The following OTOGL variants were observed in gnomAD, a reference collection of about 807,000 sequenced individuals.
OTOGL encodes otogelin like, also known as otogelin-like protein.
OTOGL carries 285 observed loss-of-function variants against 318.5 expected under a neutral mutation model. That is an observed-to-expected ratio of 0.89 (90% CI 0.81 to 0.99). The LOEUF (loss-of-function observed/expected upper bound fraction) is 0.99, where lower values mean the gene tolerates loss of function less well. Ranked by LOEUF, OTOGL falls within the 50% of genes least tolerant of loss-of-function variation. OTOGL has a pLI of 0.00. For synonymous variants in OTOGL, 987 were observed against 936.5 expected (o/e 1.05, Z -0.99); for missense variants, 2,899 against 2,845.6 (o/e 1.02, Z -0.43).
rs1380477474 is a variant in OTOGL at position 80,296,496 on chromosome 12, G to A, written c.2929-331G>A. On this transcript the variant is annotated intron_variant, in intron 26 of 58. Coordinates refer to ENST00000547103, the MANE Select transcript of OTOGL (RefSeq NM_001378609.3). ...ATATCTCAAATGAATATTTTTTAAA[G>A]ATTTCCCTAAGTGACATATTGTTTT... Among the ~76,000 whole-genome samples, 3 of 152,044 alleles carry A rather than the reference G, an allele frequency of 2.0e-5. No individual in the cohort carries two copies. The East Asian group carries it at 5.8e-4, about 29-fold the overall frequency.
intron 26 of OTOGL, among the ~76,000 whole-genome samples, chr12:80,285,927 A>T (rs953463808): frequency 1.4e-4 from 21 of 152,154 alleles, no homozygotes; most frequent in African/African-American, 5.1e-4. Flanking sequence ...GAGTGGTAAG[A>T]GGGGGCATCC....
At chr12:80,358,110 A>G in intron 49 of OTOGL, 138 bp from the exon 50 acceptor site, 1 of 649,054 alleles carries the variant, frequency 1.5e-6, no homozygotes, top group East Asian at 2.7e-5. Flanking sequence ...TTATGGCCAA[A>G]TAAGGAAATA....
intron 38 of OTOGL, among the ~76,000 whole-genome samples, chr12:80,333,604 A>G (rs940456111): frequency 1.3e-5 from 2 of 152,114 alleles, no homozygotes; most frequent in South Asian, 2.1e-4. Context: ...AAAAAATATA[A>G]AAGTAGGCAA....
intron 1 of OTOGL, among the ~76,000 whole-genome samples, chr12:80,118,292 A>C (rs1050314515): frequency 1.3e-5 from 2 of 152,200 alleles, no homozygotes; most frequent in Non-Finnish European, 2.9e-5. Context: ...AAATCTATGG[A>C]AAGGTCTTTC....
intron 22 of OTOGL, among the ~76,000 whole-genome samples, chr12:80,268,927 T>G (rs1883206488): frequency 6.6e-6 from 1 of 151,568 alleles, no homozygotes; most frequent in Admixed American, 6.6e-5. Context: ...TAACCATCCC[T>G]CCTCAATGAA....
At chr12:80,294,382 C>T (rs1234559785) in intron 26 of OTOGL, among the ~76,000 whole-genome samples, 1 of 151,858 alleles carries the variant, frequency 6.6e-6, no homozygotes, top group Non-Finnish European at 1.5e-5. Context: ...CAATAAAAAG[C>T]CTTTCAATCA....
At chr12:80,149,637 C>T (rs1872641518) in intron 1 of OTOGL, among the ~76,000 whole-genome samples, 1 of 152,134 alleles carries the variant, frequency 6.6e-6, no homozygotes, top group African/African-American at 2.4e-5. Context: ...CTAAGCAAGC[C>T]TGGGCAATGG....
At chr12:80,244,192 T>A (rs1237327879) in intron 11 of OTOGL, among the ~76,000 whole-genome samples, 2 of 151,538 alleles carry the variant, frequency 1.3e-5, no homozygotes, top group East Asian at 3.9e-4. Context: ...TTTTATACTT[T>A]AAGTTTTAGG....
At chr12:80,182,038 A>T (rs2137241578) in intron 1 of OTOGL, among the ~76,000 whole-genome samples, 1 of 152,192 alleles carries the variant, frequency 6.6e-6, no homozygotes, top group East Asian at 1.9e-4. Context: ...GTGGTGGCAT[A>T]GACCTGTAGT....
intron 1 of OTOGL, among the ~76,000 whole-genome samples, chr12:80,101,683 T>A (rs1869148140): frequency 6.6e-6 from 1 of 151,696 alleles, no homozygotes; most frequent in Admixed American, 6.6e-5. Flanking sequence ...AGCAGTTTTT[T>A]TTAAAAAAAT....
At chr12:80,196,906 T>G (rs2137275116) in intron 1 of OTOGL, among the ~76,000 whole-genome samples, 1 of 152,256 alleles carries the variant, frequency 6.6e-6, no homozygotes, top group African/African-American at 2.4e-5. Flanking sequence ...TGGTCGGACA[T>G]GCCTCATTAT....
At chr12:80,307,819 G>A (rs1592686809) in intron 29 of OTOGL, among the ~76,000 whole-genome samples, 1 of 137,642 alleles carries the variant, frequency 7.3e-6, no homozygotes. Context: ...GGGCGGCCGG[G>A]CAGAGGCACC....
At chr12:80,367,466 G>A (rs1487004061) in intron 53 of OTOGL, 95 bp from the exon 54 acceptor site, 11 of 957,046 alleles carry the variant, frequency 1.1e-5, no homozygotes, top group South Asian at 4.6e-5. Context: ...TTGGCACATC[G>A]CAATGAAAAC....
rs145092695 is a variant in OTOGL, at chr12:80,377,166, G to A, written c.6825G>A (p.Ser2275=). ...TATGCCAGAAAGTGATCATTAAATC[G>A]GTCATAAGGAAACAGGACTGTATGA... ...ERICQKVIIK[S]VIRKQDCMSQ... Residue 2275 remains serine, a synonymous_variant, in exon 58 of 59, where the codon TCG becomes TCA. Transcript: ENST00000547103. 76 of 1,609,044 alleles carry A rather than the reference G, an allele frequency of 4.7e-5. No homozygotes were observed. Among genetic ancestry groups the A allele is most frequent in the South Asian group, 3.3e-5 (3 of 90,402 alleles).
Position 80,178,510 on chromosome 12 carries a change from A to T in OTOGL, c.-19-30903A>T, listed in dbSNP as rs577431891. Among the ~76,000 whole-genome samples, 39 of 152,226 alleles carry T rather than the reference A, an allele frequency of 2.6e-4. No homozygotes were observed. The South Asian group carries it at 6.2e-3, about 24-fold the overall frequency. ...GTTCTCTATTTTTTAGTACTTTTCC[A>T]TATAAACTCTAGATGCCTTGGCCTT... On this transcript the variant is annotated intron_variant, in intron 1 of 58. Transcript: ENST00000547103.
At chr12:80,287,117 A>G (rs1270001773) in intron 26 of OTOGL, among the ~76,000 whole-genome samples, 1 of 151,384 alleles carries the variant, frequency 6.6e-6, no homozygotes, top group Non-Finnish European at 1.5e-5. Context: ...CACTGGTTTC[A>G]AAGAACTTAT....
chr12:80,154,484 C>T (rs1872993777), intron 1 of OTOGL, among the ~76,000 whole-genome samples: 1 of 152,142 alleles, frequency 6.6e-6, no homozygotes, highest in African/African-American at 2.4e-5. Flanking sequence ...ATTTTCTTTG[C>T]TTTACTTCCA....
rs751817862 is a variant in OTOGL, at chr12:80,279,152, G to A, written c.2914G>A (p.Val972Met). 15 of 1,589,632 alleles carry A rather than the reference G, an allele frequency of 9.4e-6. No homozygotes were observed. The highest frequency in any genetic ancestry group is 1.7e-5 in the Admixed American group (1 of 58,378). The change falls in exon 26 of 59, where the codon GTG becomes ATG. Residue 972 changes from valine to methionine, a missense_variant. Val to Met is a conservative substitution (Grantham distance 21). This residue lies in a region of OTOGL where 2,607 missense variants were observed against 2,524.9 expected (regional missense o/e 1.03). Coordinates refer to ENST00000547103, the MANE Select transcript of OTOGL (RefSeq NM_001378609.3). ...LEYDYISDCQ[V>M]FLIKSADDSD... ...ATATGACTATATCAGTGATTGCCAG[G>A]TGTTTTTGATAAAGGTAGGTCACAG...
intron 22 of OTOGL, among the ~76,000 whole-genome samples, chr12:80,268,935 GA>G (rs777180146): frequency 2.0e-5 from 3 of 149,576 alleles, no homozygotes; most frequent in East Asian, 3.9e-4. Context: ...CCTCCTCAAT[GA>G]AAAAAAATCA....
Sources: gnomAD v4.1 joint callset for allele counts (sites outside exome capture counted in the v4.1 genomes callset) on GRCh38, gnomAD v4.1.1 for gene constraint, gnomAD v4.1.1 regional missense constraint, MANE v1.5 for transcripts, NCBI Gene and HGNC (gene_info 2026-07-23, HGNC 2026-07-21) for gene names.